Variants in DPP6 observed in about 807,000 individuals in gnomAD.
The protein encoded by DPP6 is dipeptidyl peptidase like 6.
DPP6 carries 69 observed loss-of-function variants against 122.6 expected under a neutral mutation model. The ratio of observed to expected loss-of-function variants is 0.56; its 90% CI spans 0.46 to 0.69. DPP6 has a LOEUF of 0.69. DPP6 is among the 30% of genes least tolerant of loss of function. The probability of loss-of-function intolerance (pLI) is 0.00; values close to 1 mark genes in which losing one functional copy is unlikely to be tolerated. For synonymous variants in DPP6, 418 were observed against 433.1 expected, an observed-to-expected ratio of 0.97 and a Z score of 0.43; for missense variants, 928 against 1,116.9, an observed-to-expected ratio of 0.83 and a Z score of 2.41.
intron 1 of DPP6, among the ~76,000 whole-genome samples, chr7:154,016,023 A>G (rs1419798077): frequency 6.6e-6 from 1 of 152,170 alleles, no homozygotes; most frequent in African/African-American, 2.4e-5. Context: ...ATATCGGCCC[A>G]CGTTCTATTC....
At chr7:154,804,856 A>T in intron 14 of DPP6, 61 bp from the exon 15 acceptor site, 1 of 1,562,652 alleles carries the variant, frequency 6.4e-7, no homozygotes, top group Non-Finnish European at 8.7e-7. Flanking sequence ...AGTGCCAGGA[A>T]TGTGAAGTGC....
intron 1 of DPP6, among the ~76,000 whole-genome samples, chr7:154,326,415 T>A (rs889763474): frequency 7.9e-5 from 12 of 152,270 alleles, no homozygotes; most frequent in Admixed American, 2.6e-4. Flanking sequence ...AGTCTATATA[T>A]ACTGTCACAA....
At chr7:153,996,664 C>T (rs1373650992) in intron 1 of DPP6, among the ~76,000 whole-genome samples, 1 of 151,808 alleles carries the variant, frequency 6.6e-6, no homozygotes, top group Non-Finnish European at 1.5e-5. Flanking sequence ...CCTTTGCAGC[C>T]CTCTTGAATA....
chr7:154,715,492 A>G lies in DPP6; in HGVS notation c.763-12275A>G, dbSNP rs1248716327. On this transcript the variant is annotated intron_variant, in intron 7 of 25. Transcript: ENST00000377770. ...TACAATTTTCCGACCTTATCATTGG[A>G]ACACTTGCTAATATGATGCAGATGA... Among the ~76,000 whole-genome samples the G allele has an allele frequency of 4.6e-5, 7 of 152,212 alleles. No individual in the cohort carries two copies. In the East Asian group the frequency reaches 1.3e-3, roughly 29 times the overall value.
At chr7:154,566,682 A>T (rs576551879) in intron 4 of DPP6, among the ~76,000 whole-genome samples, 160 bp from the exon 5 acceptor site, 1 of 152,202 alleles carries the variant, frequency 6.6e-6, no homozygotes, top group Admixed American at 6.5e-5. Flanking sequence ...ATATGAAAAA[A>T]CATCAATTAG....
chr7:154,754,102 T>C (rs1351910020), intron 8 of DPP6, among the ~76,000 whole-genome samples: 1 of 152,204 alleles, frequency 6.6e-6, no homozygotes, highest in African/African-American at 2.4e-5. Flanking sequence ...TATTTTTCAA[T>C]GTGTTTTTGT....
At chr7:154,142,132 T>C (rs925199728) in intron 1 of DPP6, among the ~76,000 whole-genome samples, 5 of 152,050 alleles carry the variant, frequency 3.3e-5, no homozygotes, top group East Asian at 1.9e-4. Context: ...GACCACGAGA[T>C]ACATTGATAA....
intron 1 of DPP6, among the ~76,000 whole-genome samples, chr7:153,900,349 A>C (rs986381940): frequency 2.6e-5 from 4 of 151,626 alleles, no homozygotes; most frequent in African/African-American, 9.7e-5. Context: ...ATGTGTTGCT[A>C]TAAAGGCATA....
chr7:154,815,039 T>C (rs1326557385), intron 16 of DPP6, among the ~76,000 whole-genome samples: 1 of 152,216 alleles, frequency 6.6e-6, no homozygotes, highest in African/African-American at 2.4e-5. Context: ...ACACCATTAA[T>C]TAAACCCACA....
At chr7:154,736,767 T>C (rs1020426902) in intron 8 of DPP6, among the ~76,000 whole-genome samples, 6 of 152,254 alleles carry the variant, frequency 3.9e-5, no homozygotes, top group Admixed American at 3.9e-4. Context: ...CACCAGTGAC[T>C]CTCTGAGTAC....
chr7:154,016,660 T>C (rs1236322952), intron 1 of DPP6, among the ~76,000 whole-genome samples: 1 of 152,182 alleles, frequency 6.6e-6, no homozygotes, highest in African/African-American at 2.4e-5. Context: ...ACTGATTTGC[T>C]CTATTTTGGA....
chr7:153,836,847 C>T, the DPP6 span, among the ~76,000 whole-genome samples: 1 of 152,294 alleles, frequency 6.6e-6, no homozygotes, highest in Middle Eastern at 3.4e-3. Flanking sequence ...ATATTAGACT[C>T]ACTCTGACTT....
At chr7:154,318,334 A>G (rs964356281) in intron 1 of DPP6, among the ~76,000 whole-genome samples, 5 of 152,184 alleles carry the variant, frequency 3.3e-5, no homozygotes, top group African/African-American at 1.2e-4. Flanking sequence ...AGGAATGCCA[A>G]TTACTTCCTC....
chr7:154,610,873 G>A (rs1459832452), intron 5 of DPP6, among the ~76,000 whole-genome samples: 2 of 152,080 alleles, frequency 1.3e-5, no homozygotes, highest in Non-Finnish European at 1.5e-5. Flanking sequence ...AGCATTTTAT[G>A]TGGTGCTAGA....
chr7:154,568,129 A>T (rs936013804), intron 5 of DPP6, among the ~76,000 whole-genome samples: 3 of 152,190 alleles, frequency 2.0e-5, no homozygotes, highest in African/African-American at 7.2e-5. Context: ...GGGACTCTGC[A>T]TTACCTAGAC....
At chr7:153,843,920 G>A in the DPP6 span, among the ~76,000 whole-genome samples, 1 of 152,088 alleles carries the variant, frequency 6.6e-6, no homozygotes, top group Non-Finnish European at 1.5e-5. Context: ...CCCTAAAGAG[G>A]CCTAGAAGAG....
At chr7:154,031,855 TTTTTTG>T (rs1799247954) in intron 1 of DPP6, among the ~76,000 whole-genome samples, 1 of 137,536 alleles carries the variant, frequency 7.3e-6, no homozygotes, top group African/African-American at 3.0e-5. Flanking sequence ...TTTTTTCCTT[TTTTTTG>T]TTTTTTTTTT....
At chr7:153,810,389 C>A in the DPP6 span, among the ~76,000 whole-genome samples, 1 of 152,166 alleles carries the variant, frequency 6.6e-6, no homozygotes, top group Admixed American at 6.5e-5. Flanking sequence ...CAGGAATAAA[C>A]CTTCATCCTT....
rs563914597 is a variant in DPP6, at chr7:154,879,274, C to T, written c.2079-1614C>T. Among the ~76,000 whole-genome samples the T allele has an allele frequency of 1.4e-3, 200 of 141,700 alleles. 31 individuals carry two copies. Among genetic ancestry groups the T allele is most frequent in the African/African-American group, 4.2e-3 (153 of 36,472 alleles). 93.0% of individuals were successfully genotyped at this position (141,700 alleles called of 152,430 possible). ...CCAGCTGGCCAACATGGTGAAACCC[C>T]GTCTCTATTAAAAACACAAAAATCG... On this transcript the variant is annotated intron_variant, in intron 20 of 25. Transcript: ENST00000377770.
Sources: allele counts gnomAD v4.1 joint callset (sites outside exome capture counted in the v4.1 genomes callset), GRCh38; gene constraint gnomAD v4.1.1; transcripts MANE v1.5; gene names NCBI Gene and HGNC (gene_info 2026-07-23, HGNC 2026-07-21).